PSMA3: variants seen among roughly 807,000 people sequenced by gnomAD.
PSMA3 encodes proteasome 20S subunit alpha 3.
A neutral mutation model predicts 40.0 loss-of-function variants in PSMA3; 8 were observed. That is an observed-to-expected ratio of 0.20 (90% CI 0.12 to 0.36). The LOEUF is 0.36. PSMA3 is among the 10% of genes least tolerant of loss of function. The probability of loss-of-function intolerance (pLI) is 1.00; values close to 1 mark genes in which losing one functional copy is unlikely to be tolerated. For missense variants in PSMA3, 219 were observed against 310.6 expected, an observed-to-expected ratio of 0.70 and a Z score of 2.22; for synonymous variants, 110 against 100.0, an observed-to-expected ratio of 1.10 and a Z score of -0.59.
chr14:58,271,843 C>G lies in PSMA3; in HGVS notation c.724-8C>G, dbSNP rs761649547. On this transcript the variant is annotated splice_polypyrimidine_tract_variant and splice_region_variant and intron_variant, in intron 10 of 10. Coordinates refer to ENST00000216455, the MANE Select transcript of PSMA3 (RefSeq NM_002788.4). ...AATCAATTTTAAACACCTGTTTTCTCTTAACAGGAATCTCTGAAGGAAGAA... is the reference window on the plus strand; with the variant it reads ...AATCAATTTTAAACACCTGTTTTCTGTTAACAGGAATCTCTGAAGGAAGAA... 6.3e-7 allele frequency: 1 copy of G among 1,593,366 alleles called. No individual in the cohort carries two copies. The highest frequency in any genetic ancestry group is 1.3e-5 in the African/African-American group (1 of 74,462).
chr14:58,262,978 G>A (rs1890326251), intron 6 of PSMA3, among the ~76,000 whole-genome samples: 1 of 145,018 alleles, frequency 6.9e-6, no homozygotes, highest in Non-Finnish European at 1.5e-5. Flanking sequence ...GTATATATGT[G>A]TACATCCTTT....
intron 6 of PSMA3, among the ~76,000 whole-genome samples, chr14:58,262,367 G>T (rs559840024): frequency 6.6e-6 from 1 of 152,058 alleles, no homozygotes; most frequent in East Asian, 1.9e-4. Context: ...CACCACACCC[G>T]GCTAATTTTT....
In PSMA3 at chr14:58,258,180, G is replaced by A. The variant is rs184778375; in HGVS notation, c.404+182G>A. The A allele has an allele frequency of 9.4e-6, 5 of 532,602 alleles. No individual in the cohort carries two copies. The East Asian group carries it at 1.2e-4, about 12-fold the overall frequency. 33.0% of individuals were successfully genotyped at this position (532,602 alleles called of 1,614,324 possible). On this transcript the variant is annotated intron_variant, in intron 5 of 10. Coordinates refer to ENST00000216455, the MANE Select transcript of PSMA3 (RefSeq NM_002788.4). Reference sequence around the variant, plus strand: ...AGGCTGGGTGCCATGGCTCAAGCCTGTAATCCCAGTACTTTGGGAGGTTGA... The same window carrying A: ...AGGCTGGGTGCCATGGCTCAAGCCTATAATCCCAGTACTTTGGGAGGTTGA...
chr14:58,267,611 GTAAAA>G, intron 8 of PSMA3, 91 bp downstream of exon 8: 1 of 1,319,478 alleles, frequency 7.6e-7, no homozygotes. Flanking sequence ...CTGTTTTCCT[GTAAAA>G]TAACTTAGTG....
intron 2 of PSMA3, among the ~76,000 whole-genome samples, chr14:58,248,204 T>C (rs1889920611): frequency 6.6e-6 from 1 of 152,208 alleles, no homozygotes; most frequent in South Asian, 2.1e-4. Context: ...ATTAGTCACA[T>C]GTTCGATTCA....
intron 7 of PSMA3, among the ~76,000 whole-genome samples, chr14:58,264,348 A>G (rs1446569497): frequency 6.6e-6 from 1 of 152,138 alleles, no homozygotes; most frequent in Admixed American, 6.5e-5. Flanking sequence ...TAGCCAGGTA[A>G]GGCATAAAGC....
At chr14:58,258,733 TTG>T (rs376734624) in intron 5 of PSMA3, among the ~76,000 whole-genome samples, 13 of 151,428 alleles carry the variant, frequency 8.6e-5, no homozygotes, top group African/African-American at 3.2e-4. Flanking sequence ...CAGAGAAGAC[TTG>T]TGACTAGATT....
intron 7 of PSMA3, chr14:58,266,847 A>C (rs990220068): frequency 6.6e-6 from 1 of 152,202 alleles, no homozygotes; most frequent in Non-Finnish European, 1.5e-5. Flanking sequence ...TTGTTATCCT[A>C]ACTTGGCTAT....
intron 1 of PSMA3, 108 bp downstream of exon 1, chr14:58,245,049 T>C (rs1889848170): frequency 3.5e-6 from 5 of 1,440,474 alleles, no homozygotes; most frequent in Non-Finnish European, 4.9e-6. Flanking sequence ...TGAGACCGCC[T>C]TCGGCTGGGT....
intron 2 of PSMA3, among the ~76,000 whole-genome samples, chr14:58,249,688 T>A (rs1192682737): frequency 2.0e-5 from 3 of 151,960 alleles, no homozygotes; most frequent in African/African-American, 7.3e-5. Context: ...AAATTTTTTG[T>A]AGAGACAGGG....
chr14:58,247,251 A>C (rs1355853555), intron 1 of PSMA3, among the ~76,000 whole-genome samples: 1 of 152,024 alleles, frequency 6.6e-6, no homozygotes, highest in Non-Finnish European at 1.5e-5. Context: ...GCCTTTTCTG[A>C]TTTACTGCTG....
At chr14:58,245,773 A>C (rs1235041172) in intron 1 of PSMA3, among the ~76,000 whole-genome samples, 1 of 152,208 alleles carries the variant, frequency 6.6e-6, no homozygotes, top group African/African-American at 2.4e-5. Flanking sequence ...TTGAATAATG[A>C]GTTTCTCAGT....
At chr14:58,262,181 G>A (rs1029407980) in intron 6 of PSMA3, among the ~76,000 whole-genome samples, 41 of 151,244 alleles carry the variant, frequency 2.7e-4, no homozygotes, top group Admixed American at 2.6e-3. Flanking sequence ...TGCCCACCCC[G>A]GCCTGCCAAA....
At chr14:58,250,036 T>G (rs1889972208) in intron 2 of PSMA3, among the ~76,000 whole-genome samples, 1 of 149,630 alleles carries the variant, frequency 6.7e-6, no homozygotes, top group African/African-American at 2.5e-5. Flanking sequence ...CTGGGCAACA[T>G]GGTGAAATCC....
At chr14:58,257,891 G>A in intron 4 of PSMA3, 34 bp from the exon 5 acceptor site, 2 of 1,612,476 alleles carry the variant, frequency 1.2e-6, no homozygotes, top group Non-Finnish European at 8.5e-7. Flanking sequence ...AGTAATAGAA[G>A]TTTATTAATA....
At chr14:58,258,154 G>C in intron 5 of PSMA3, 156 bp downstream of exon 5, 1 of 588,712 alleles carries the variant, frequency 1.7e-6, no homozygotes, top group Non-Finnish European at 2.9e-6. Flanking sequence ...GAAACTACTT[G>C]AGGCTGGGTG....
chr14:58,251,104 A>C (rs1037185693), intron 2 of PSMA3, among the ~76,000 whole-genome samples: 53 of 152,202 alleles, frequency 3.5e-4, no homozygotes, highest in Non-Finnish European at 6.5e-4. Flanking sequence ...TTAAAATTAA[A>C]AAAAAGAAGA....
chr14:58,263,900 C>T (rs1890357768), intron 7 of PSMA3, 130 bp downstream of exon 7: 1 of 747,250 alleles, frequency 1.3e-6, no homozygotes. Flanking sequence ...ATAAAATACA[C>T]CAACACTAAT....
intron 5 of PSMA3, among the ~76,000 whole-genome samples, chr14:58,259,978 A>G (rs892771534): frequency 6.6e-6 from 1 of 152,256 alleles, no homozygotes; most frequent in African/African-American, 2.4e-5. Flanking sequence ...TGAGCTATAT[A>G]TCCTGAAGGA....
Sources: allele counts gnomAD v4.1 joint callset (sites outside exome capture counted in the v4.1 genomes callset), GRCh38; gene constraint gnomAD v4.1.1; transcripts MANE v1.5; gene names NCBI Gene and HGNC (gene_info 2026-07-23, HGNC 2026-07-21).